The following TAFA2 variants were observed in gnomAD, a reference collection of about 807,000 sequenced individuals.
The protein encoded by TAFA2 is TAFA chemokine like family member 2, also known as chemokine-like protein TAFA-2.
A neutral mutation model predicts 18.8 loss-of-function variants in TAFA2; 7 were observed. The ratio of observed to expected loss-of-function variants is 0.37; its 90% CI spans 0.21 to 0.70. The LOEUF is 0.70. TAFA2 is among the 30% of genes least tolerant of loss of function. The pLI is 0.53. For synonymous variants in TAFA2, 60 were observed against 54.2 expected (o/e 1.11, Z -0.47); for missense variants, 122 against 158.1 (o/e 0.77, Z 1.23).
At chr12:62,215,680 G>GAACTTGTTTCTCTTGCTTAAGAGAAAC (rs774841176) in intron 1 of TAFA2, among the ~76,000 whole-genome samples, 23,697 of 80,660 alleles carry the variant, frequency 0.29, 6,151 homozygotes, top group Non-Finnish European at 0.38. Flanking sequence ...TTAAGAGGAA[G>GAACTTGTTTCTCTTGCTTAAGAGAAAC]AACTTGTTTC....
chr12:61,847,883 A>G (rs1294495745), intron 2 of TAFA2, among the ~76,000 whole-genome samples: 1 of 152,170 alleles, frequency 6.6e-6, no homozygotes, highest in East Asian at 1.9e-4. Flanking sequence ...TACTATACAA[A>G]TAACCCAATA....
chr12:61,779,621 T>C (rs1486493222), intron 2 of TAFA2, among the ~76,000 whole-genome samples: 28 of 151,888 alleles, frequency 1.8e-4, no homozygotes, highest in Admixed American at 1.8e-3. Context: ...CTATAAATTA[T>C]GTTCTATGAA....
intron 1 of TAFA2, among the ~76,000 whole-genome samples, chr12:62,225,095 TA>T (rs35979654): frequency 1.3e-5 from 2 of 151,452 alleles, no homozygotes; most frequent in African/African-American, 4.9e-5. Flanking sequence ...CTCCGTCTCA[TA>T]AAAAAATTTA....
chr12:61,922,344 CT>C, intron 1 of TAFA2, among the ~76,000 whole-genome samples: 1 of 152,254 alleles, frequency 6.6e-6, no homozygotes, highest in African/African-American at 2.4e-5. Flanking sequence ...CGGTCTGCAG[CT>C]CCCAGCGAGA....
intron 2 of TAFA2, among the ~76,000 whole-genome samples, chr12:61,794,154 CACTCCCACCACCTGT>C (rs1297692132): frequency 6.6e-6 from 1 of 151,814 alleles, no homozygotes; most frequent in East Asian, 1.9e-4. Context: ...CAAAGAAGTC[CACTCCCACCACCTGT>C]ATTCAACATT....
At chr12:62,022,147 GATA>G in intron 1 of TAFA2, 1 of 430,348 alleles carries the variant, frequency 2.3e-6, no homozygotes, top group African/African-American at 2.0e-5. Context: ...TGGTGGCTAA[GATA>G]ATGATTTCTG....
intron 1 of TAFA2, among the ~76,000 whole-genome samples, chr12:61,914,276 CT>C (rs1876729504): frequency 6.6e-6 from 1 of 152,132 alleles, no homozygotes; most frequent in African/African-American, 2.4e-5. Flanking sequence ...ATGAAACATC[CT>C]TCTCTCAGGA....
At chr12:62,075,974 G>A (rs1355777585) in intron 1 of TAFA2, among the ~76,000 whole-genome samples, 4 of 152,170 alleles carry the variant, frequency 2.6e-5, no homozygotes, top group Admixed American at 2.0e-4. Flanking sequence ...GAACTTCAGA[G>A]TGGTTAAGTA....
chr12:62,119,193 A>C (rs1284309581), intron 1 of TAFA2, among the ~76,000 whole-genome samples: 3 of 152,126 alleles, frequency 2.0e-5, no homozygotes, highest in African/African-American at 7.2e-5. Flanking sequence ...ATCTGTAGTT[A>C]CTGGAAATTA....
intron 1 of TAFA2, among the ~76,000 whole-genome samples, chr12:62,074,621 T>G (rs1382783771): frequency 6.6e-6 from 1 of 152,180 alleles, no homozygotes; most frequent in Non-Finnish European, 1.5e-5. Context: ...CAAATTTGTT[T>G]TCATACAGAC....
At position 61,749,109 on chromosome 12, in the gene TAFA2, T is replaced by TAC. The variant is rs770983852; in HGVS notation, c.384+4512_384+4513insGT. Among the ~76,000 whole-genome samples the TAC allele has an allele frequency of 7.5e-3, 912 of 122,180 alleles. 18 individuals carry two copies. Among genetic ancestry groups the TAC allele is most frequent in the African/African-American group, 0.026 (837 of 32,436 alleles). 80.2% of individuals were successfully genotyped at this position (122,180 alleles called of 152,430 possible). On this transcript the variant is annotated intron_variant, in intron 4 of 4. Transcript: ENST00000416284. ...AGCAAAACCCCGTTGTTACTAAAAA[T>TAC]AAAAAAAAAAAAAAATAGCTGGGTG...
intron 1 of TAFA2, among the ~76,000 whole-genome samples, chr12:62,093,741 A>C (rs1431499621): frequency 6.6e-6 from 1 of 152,060 alleles, no homozygotes; most frequent in Admixed American, 6.6e-5. Context: ...TATTGCCCTC[A>C]GAGGGCCATG....
intron 1 of TAFA2, among the ~76,000 whole-genome samples, chr12:61,870,961 T>C (rs10784270): frequency 0.82 from 124,788 of 152,124 alleles, 51,426 homozygotes; most frequent in African/African-American, 0.91. Context: ...ATCTGTAGGA[T>C]TCATCCAAAG....
chr12:62,044,476 C>G (rs1250244109), intron 1 of TAFA2, among the ~76,000 whole-genome samples: 1 of 152,014 alleles, frequency 6.6e-6, no homozygotes, highest in Non-Finnish European at 1.5e-5. Flanking sequence ...TGGACATTTC[C>G]CACAAGTAAA....
chr12:62,050,712 A>G (rs1227779573), intron 1 of TAFA2, among the ~76,000 whole-genome samples: 1 of 152,210 alleles, frequency 6.6e-6, no homozygotes, highest in Non-Finnish European at 1.5e-5. Context: ...TCCTGCAACC[A>G]AAAACTGAAG....
At chr12:62,194,721 A>C (rs1015744780), upstream of TAFA2, among the ~76,000 whole-genome samples, 1 of 152,128 alleles carries the variant, frequency 6.6e-6, no homozygotes, top group African/African-American at 2.4e-5. Flanking sequence ...GATTCTCCTA[A>C]TTTAACAGAA....
chr12:61,809,786 G>A (rs974580476), intron 2 of TAFA2, among the ~76,000 whole-genome samples: 2 of 151,258 alleles, frequency 1.3e-5, no homozygotes, highest in Admixed American at 1.3e-4. Context: ...ACTTCACCCT[G>A]TTGTCTTCAA....
intron 1 of TAFA2, among the ~76,000 whole-genome samples, chr12:61,915,374 C>T (rs528841542): frequency 6.6e-5 from 10 of 152,312 alleles, no homozygotes; most frequent in East Asian, 1.9e-4. Flanking sequence ...ACAAGGAACA[C>T]TCTTTCTCCA....
intron 4 of TAFA2, among the ~76,000 whole-genome samples, chr12:61,739,307 T>C (rs1393772861): frequency 6.6e-6 from 1 of 151,950 alleles, no homozygotes; most frequent in Non-Finnish European, 1.5e-5. Flanking sequence ...TTACCTCAAA[T>C]GGTTATGGTG....
Sources: allele counts gnomAD v4.1 joint callset (sites outside exome capture counted in the v4.1 genomes callset), GRCh38; gene constraint gnomAD v4.1.1; transcripts MANE v1.5; gene names NCBI Gene and HGNC (gene_info 2026-07-23, HGNC 2026-07-21).